The following KCNJ6 variants were observed in gnomAD, a reference collection of about 807,000 sequenced individuals.
KCNJ6 encodes the protein potassium inwardly rectifying channel subfamily J member 6, also known as G protein-activated inward rectifier potassium channel 2.
In KCNJ6, 9 loss-of-function variants were observed where a neutral mutation model predicts 34.2. That is an observed-to-expected ratio of 0.26 (90% CI 0.16 to 0.46). The LOEUF is 0.46. Ranked by LOEUF, KCNJ6 falls within the 20% of genes least tolerant of loss-of-function variation. The probability of loss-of-function intolerance (pLI) is 1.00; values close to 1 mark genes in which losing one functional copy is unlikely to be tolerated. For missense variants in KCNJ6, 236 were observed against 531.3 expected (o/e 0.44, Z 5.46); for synonymous variants, 196 against 207.1 (o/e 0.95, Z 0.46).
intron 1 of KCNJ6, among the ~76,000 whole-genome samples, chr21:37,878,760 GGT>G (rs2055691684): frequency 6.6e-6 from 1 of 152,180 alleles, no homozygotes; most frequent in African/African-American, 2.4e-5. Context: ...GGGGAAAGAG[GGT>G]CCGGGAGGGA....
At chr21:37,884,203 T>C (rs1321712881) in intron 1 of KCNJ6, among the ~76,000 whole-genome samples, 1 of 152,226 alleles carries the variant, frequency 6.6e-6, no homozygotes, top group Non-Finnish European at 1.5e-5. Flanking sequence ...TCGTCAGGGC[T>C]CTATGGATGC....
At chr21:37,864,572 A>G (rs532718149) in intron 1 of KCNJ6, among the ~76,000 whole-genome samples, 55 of 152,338 alleles carry the variant, frequency 3.6e-4, no homozygotes, top group Non-Finnish European at 5.9e-4. Context: ...AGCTCTGTGC[A>G]TGATTAGGTA....
chr21:37,728,330 G>T (rs964955112), intron 2 of KCNJ6, among the ~76,000 whole-genome samples: 1 of 152,154 alleles, frequency 6.6e-6, no homozygotes, highest in African/African-American at 2.4e-5. Context: ...TGTGTAATGG[G>T]GACAGTTTCT....
At chr21:37,768,100 T>C (rs1335456648) in intron 2 of KCNJ6, among the ~76,000 whole-genome samples, 17 of 151,126 alleles carry the variant, frequency 1.1e-4, no homozygotes, top group Non-Finnish European at 1.3e-4. Context: ...TTTTTTTTTT[T>C]CGAGCATCTG....
At chr21:37,663,191 G>A (rs1038370221) in intron 3 of KCNJ6, among the ~76,000 whole-genome samples, 7 of 152,064 alleles carry the variant, frequency 4.6e-5, no homozygotes, top group African/African-American at 1.7e-4. Flanking sequence ...GGACGATGAT[G>A]GGTATTGAAT....
At chr21:37,655,815 A>G (rs2054461269) in intron 3 of KCNJ6, among the ~76,000 whole-genome samples, 3 of 152,188 alleles carry the variant, frequency 2.0e-5, no homozygotes, top group Admixed American at 2.0e-4. Context: ...AAGAGGAGCA[A>G]GACGAAGCCA....
intron 2 of KCNJ6, among the ~76,000 whole-genome samples, chr21:37,779,612 G>C (rs2055159545): frequency 6.6e-6 from 1 of 152,172 alleles, no homozygotes; most frequent in South Asian, 2.1e-4. Flanking sequence ...CTGAAGAAAA[G>C]CCACTTGGGG....
chr21:37,692,161 A>G (rs901919028), intron 3 of KCNJ6, among the ~76,000 whole-genome samples: 4 of 152,172 alleles, frequency 2.6e-5, no homozygotes, highest in African/African-American at 7.2e-5. Flanking sequence ...ATGTATACCT[A>G]TGTAACAAAG....
Position 37,840,555 on chromosome 21 carries a change from A to G in KCNJ6, c.25+103T>C, listed in dbSNP as rs55948847. 0.075 allele frequency: 57,288 copies of G among 763,732 alleles called. 2,762 individuals are homozygous for G. The highest frequency in any genetic ancestry group is 0.092 in the Non-Finnish European group (41,039 of 445,444). 47.3% of individuals were successfully genotyped at this position (763,732 alleles called of 1,614,324 possible). ...ACAGATCTCGGTCCCGTAAGAGCAA[A>G]AGAGAAGGACAAATCAGATCATCAC... is the stretch of plus-strand genomic sequence containing the variant. On this transcript the variant is annotated intron_variant, in intron 2 of 3. Transcript: ENST00000609713.
intron 2 of KCNJ6, among the ~76,000 whole-genome samples, chr21:37,802,515 A>G (rs1187319517): frequency 6.6e-6 from 1 of 152,188 alleles, no homozygotes; most frequent in African/African-American, 2.4e-5. Flanking sequence ...AGAGATTGGA[A>G]GAGGCTATGC....
chr21:37,635,437 C>T (rs1354685125), intron 3 of KCNJ6, among the ~76,000 whole-genome samples: 3 of 151,990 alleles, frequency 2.0e-5, no homozygotes, highest in African/African-American at 4.8e-5. Flanking sequence ...AGGCTGGTCT[C>T]GAATTCCTGA....
intron 2 of KCNJ6, among the ~76,000 whole-genome samples, chr21:37,809,355 T>C (rs951813262): frequency 6.7e-6 from 1 of 150,282 alleles, no homozygotes; most frequent in Non-Finnish European, 1.5e-5. Context: ...AAGGGGAACA[T>C]CACACTCCGG....
At chr21:37,777,071 T>A (rs2055146111) in intron 2 of KCNJ6, among the ~76,000 whole-genome samples, 1 of 152,228 alleles carries the variant, frequency 6.6e-6, no homozygotes, top group South Asian at 2.1e-4. Context: ...CCTGGTTTAG[T>A]CTTGGGAGGG....
rs867774233 is a variant in KCNJ6, at chr21:37,617,128, C to T, written c.*8031G>A. ...TCTTTCTTTCCTTCTTCCTTCCTTC[C>T]TTCTTTCTTTCCTTCCTTCCTTCCT... On this transcript the variant is annotated 3_prime_UTR_variant, in exon 4 of 4. Transcript: ENST00000609713. 13 of 79,976 alleles carry T rather than the reference C, an allele frequency of 1.6e-4. No individual in the cohort carries two copies. The highest frequency in any genetic ancestry group is 4.1e-4 in the South Asian group (1 of 2,456). 5.0% of individuals were successfully genotyped at this position (79,976 alleles called of 1,614,324 possible).
intron 3 of KCNJ6, among the ~76,000 whole-genome samples, chr21:37,627,370 G>A (rs2054315837): frequency 6.6e-6 from 1 of 152,162 alleles, no homozygotes; most frequent in African/African-American, 2.4e-5. Context: ...GAAAAAAAAG[G>A]TCAACACTGA....
At chr21:37,692,294 T>G (rs2054643529) in intron 3 of KCNJ6, among the ~76,000 whole-genome samples, 1 of 152,048 alleles carries the variant, frequency 6.6e-6, no homozygotes, top group Non-Finnish European at 1.5e-5. Flanking sequence ...CAACTGCCTC[T>G]CCCTTTACCC....
intron 3 of KCNJ6, among the ~76,000 whole-genome samples, chr21:37,689,851 T>C (rs1334749087): frequency 6.6e-6 from 1 of 152,018 alleles, no homozygotes. Context: ...AGGGAAGCAG[T>C]AGTGTCTCCC....
intron 2 of KCNJ6, among the ~76,000 whole-genome samples, chr21:37,731,698 A>G (rs1569453593): frequency 6.6e-6 from 1 of 152,224 alleles, no homozygotes; most frequent in African/African-American, 2.4e-5. Flanking sequence ...GGTGCTGAGC[A>G]GACAGATGGG....
chr21:37,657,958 C>T (rs2054471729), intron 3 of KCNJ6, among the ~76,000 whole-genome samples: 1 of 152,228 alleles, frequency 6.6e-6, no homozygotes, highest in African/African-American at 2.4e-5. Context: ...TTTGGCCACC[C>T]AGGTTTTCCT....
Sources: gnomAD v4.1 joint callset for allele counts (sites outside exome capture counted in the v4.1 genomes callset) on GRCh38, gnomAD v4.1.1 for gene constraint, MANE v1.5 for transcripts, NCBI Gene and HGNC (gene_info 2026-07-23, HGNC 2026-07-21) for gene names.